GNA14: variants seen among roughly 807,000 people sequenced by gnomAD.
GNA14 encodes guanine nucleotide-binding protein subunit alpha-14.
GNA14 carries 50 observed loss-of-function variants against 42.0 expected under a neutral mutation model. That is an observed-to-expected ratio of 1.19 (90% CI 0.95 to 1.51). GNA14 has a LOEUF of 1.51. GNA14 is among the 40% of genes most tolerant of loss of function. GNA14 has a pLI of 0.00. For missense variants in GNA14, 473 were observed against 446.2 expected, an observed-to-expected ratio of 1.06 and a Z score of -0.54; for synonymous variants, 173 against 163.1, an observed-to-expected ratio of 1.06 and a Z score of -0.46.
chr9:77,547,692 A>C (rs940630389), intron 1 of GNA14, among the ~76,000 whole-genome samples: 1 of 152,326 alleles, frequency 6.6e-6, no homozygotes, highest in African/African-American at 2.4e-5. Context: ...CCAGATTTCT[A>C]GCATGCTAGT....
chr9:77,428,560 C>A (rs1483120732), intron 5 of GNA14, among the ~76,000 whole-genome samples: 1 of 152,166 alleles, frequency 6.6e-6, no homozygotes, highest in South Asian at 2.1e-4. Context: ...TGGGGTTGGA[C>A]TCAGGCACCA....
At chr9:77,489,299 A>C (rs1836714912) in intron 2 of GNA14, among the ~76,000 whole-genome samples, 1 of 152,192 alleles carries the variant, frequency 6.6e-6, no homozygotes, top group South Asian at 2.1e-4. Context: ...CAAAAGACAG[A>C]ATCTAAGAAT....
chr9:77,609,110 A>AT (rs1039383922), intron 1 of GNA14, among the ~76,000 whole-genome samples: 2 of 151,938 alleles, frequency 1.3e-5, no homozygotes, highest in African/African-American at 4.8e-5. Flanking sequence ...TCTTTTCTCC[A>AT]TTTTACTAGA....
chr9:77,479,116 G>A (rs1309427439), intron 2 of GNA14, among the ~76,000 whole-genome samples: 1 of 152,068 alleles, frequency 6.6e-6, no homozygotes, highest in African/African-American at 2.4e-5. Flanking sequence ...GTCCTGAATG[G>A]TACTGCCTAG....
At chr9:77,440,290 G>T (rs1314806971) in intron 2 of GNA14, among the ~76,000 whole-genome samples, 1 of 152,236 alleles carries the variant, frequency 6.6e-6, no homozygotes, top group East Asian at 1.9e-4. Flanking sequence ...GTTTCACGCA[G>T]GGATCCGTGG....
chr9:77,563,761 A>G (rs575855907), intron 1 of GNA14, among the ~76,000 whole-genome samples: 178 of 152,348 alleles, frequency 1.2e-3, no homozygotes, highest in Non-Finnish European at 2.2e-3. Flanking sequence ...AATGGTAACA[A>G]TGAACCCAAG....
chr9:77,611,422 G>A (rs1360987189), intron 1 of GNA14, among the ~76,000 whole-genome samples: 1 of 152,152 alleles, frequency 6.6e-6, no homozygotes, highest in Non-Finnish European at 1.5e-5. Flanking sequence ...TTTATAGTGG[G>A]CAGTAAGCAT....
At chr9:77,487,322 A>G (rs1175493454) in intron 2 of GNA14, among the ~76,000 whole-genome samples, 1 of 152,210 alleles carries the variant, frequency 6.6e-6, no homozygotes, top group African/African-American at 2.4e-5. Context: ...AAACCAAGAA[A>G]GTGAGACCAT....
At chr9:77,498,358 A>C (rs1033326248) in intron 2 of GNA14, among the ~76,000 whole-genome samples, 2 of 145,188 alleles carry the variant, frequency 1.4e-5, no homozygotes, top group African/African-American at 5.2e-5. Flanking sequence ...GGGCAACAAG[A>C]GCAAAAGTCT....
At chr9:77,449,369 GTGGAAAATCTTAGAA>G (rs2131702471) in intron 2 of GNA14, among the ~76,000 whole-genome samples, 1 of 152,320 alleles carries the variant, frequency 6.6e-6, no homozygotes, top group South Asian at 2.1e-4. Flanking sequence ...ATGCCACCCA[GTGGAAAATCTTAGAA>G]TTGTTCTGAT....
Position 77,647,863 on chromosome 9 carries a change from A to C in GNA14, c.-70T>G. 1 of 1,545,656 alleles carries C rather than the reference A, an allele frequency of 6.5e-7. No homozygotes were observed. Among genetic ancestry groups the C allele is most frequent in the South Asian group, 1.2e-5 (1 of 85,262 alleles). ...ACCCGAATCCTCGGCCCGGCCGCTC[A>C]CCCGGCCAGCATGCGACGGGCACAG... On this transcript the variant is annotated 5_prime_UTR_variant, in exon 1 of 7. It removes the in-frame stop codon of an upstream open reading frame in the 5' UTR. Transcript: ENST00000341700.
chr9:77,478,425 C>T (rs1432233670), intron 2 of GNA14, among the ~76,000 whole-genome samples: 2 of 152,092 alleles, frequency 1.3e-5, no homozygotes, highest in Non-Finnish European at 2.9e-5. Context: ...TCCAGTCTAT[C>T]GTTGTTGGAC....
intron 1 of GNA14, among the ~76,000 whole-genome samples, chr9:77,566,145 C>CTTTTTTTT (rs956489720): frequency 9.8e-6 from 1 of 102,496 alleles, no homozygotes; most frequent in Non-Finnish European, 1.9e-5. Context: ...GGGAGTGCTT[C>CTTTTTTTT]TTTTTTTTTT....
intron 2 of GNA14, among the ~76,000 whole-genome samples, chr9:77,501,709 A>ATTTTT (rs1287109889): frequency 3.2e-5 from 3 of 94,278 alleles, no homozygotes; most frequent in Admixed American, 9.8e-5. Flanking sequence ...AGATTGGATA[A>ATTTTT]TTTCTTTTTT....
At chr9:77,553,092 A>G (rs1426892795) in intron 1 of GNA14, among the ~76,000 whole-genome samples, 27 of 152,234 alleles carry the variant, frequency 1.8e-4, no homozygotes, top group Admixed American at 1.8e-3. Context: ...AGCCTTATGG[A>G]AGCTAATTAT....
chr9:77,445,407 C>G (rs1032560298), intron 2 of GNA14, among the ~76,000 whole-genome samples: 1 of 149,180 alleles, frequency 6.7e-6, no homozygotes. Context: ...GCCAGTGGAG[C>G]TGCTTCTCAG....
chr9:77,545,595 G>A (rs1837709673), intron 1 of GNA14, among the ~76,000 whole-genome samples: 1 of 152,122 alleles, frequency 6.6e-6, no homozygotes, highest in Non-Finnish European at 1.5e-5. Context: ...GTAACAGCAG[G>A]ATATTGGAAA....
intron 1 of GNA14, among the ~76,000 whole-genome samples, chr9:77,629,191 G>T (rs1334073376): frequency 1.3e-5 from 2 of 152,114 alleles, no homozygotes; most frequent in Non-Finnish European, 2.9e-5. Flanking sequence ...ACCCTCTCAC[G>T]CCAGTTAGAA....
intron 1 of GNA14, among the ~76,000 whole-genome samples, chr9:77,629,817 G>T (rs374050035): frequency 2.0e-5 from 3 of 152,088 alleles, no homozygotes; most frequent in Admixed American, 2.0e-4. Context: ...ACCATGGCAC[G>T]TGTATACCTA....
Sources: allele counts gnomAD v4.1 joint callset (sites outside exome capture counted in the v4.1 genomes callset), GRCh38; gene constraint gnomAD v4.1.1; transcripts MANE v1.5; gene names NCBI Gene and HGNC (gene_info 2026-07-23, HGNC 2026-07-21).